Variants in ERBB4 observed in about 807,000 individuals in gnomAD.
The protein encoded by ERBB4 is receptor tyrosine-protein kinase erbB-4.
ERBB4 carries 42 observed loss-of-function variants against 158.0 expected under a neutral mutation model. The observed-to-expected ratio is 0.27, with a 90% confidence interval of 0.21 to 0.34. ERBB4 has a LOEUF of 0.34. ERBB4 is among the 10% of genes least tolerant of loss of function. The probability of loss-of-function intolerance (pLI) is 1.00; values close to 1 mark genes in which losing one functional copy is unlikely to be tolerated. For missense variants in ERBB4, 1,333 were observed against 1,624.1 expected, an observed-to-expected ratio of 0.82 and a Z score of 3.08; for synonymous variants, 583 against 558.7, an observed-to-expected ratio of 1.04 and a Z score of -0.61.
intron 12 of ERBB4, among the ~76,000 whole-genome samples, chr2:211,679,450 C>T (rs1039636338): frequency 6.6e-6 from 1 of 152,108 alleles, no homozygotes; most frequent in Non-Finnish European, 1.5e-5. Flanking sequence ...ATTGGGAGGA[C>T]AGGTGATATA....
At chr2:211,660,197 T>C (rs2071367441) in intron 15 of ERBB4, among the ~76,000 whole-genome samples, 1 of 152,166 alleles carries the variant, frequency 6.6e-6, no homozygotes, top group Non-Finnish European at 1.5e-5. Flanking sequence ...CTGTAGGGCT[T>C]TAAAGAAGTA....
At chr2:211,585,481 A>T (rs1463330371) in intron 19 of ERBB4, among the ~76,000 whole-genome samples, 1 of 152,134 alleles carries the variant, frequency 6.6e-6, no homozygotes, top group Non-Finnish European at 1.5e-5. Flanking sequence ...ATTCATTGAT[A>T]ATTGATAGCA....
intron 1 of ERBB4, among the ~76,000 whole-genome samples, chr2:212,203,664 A>G (rs1189075953): frequency 6.6e-6 from 1 of 152,242 alleles, no homozygotes. Flanking sequence ...ACAAACTAGT[A>G]ATTAAAATCC....
chr2:211,813,860 C>G (rs894278534), intron 3 of ERBB4, among the ~76,000 whole-genome samples: 1 of 151,926 alleles, frequency 6.6e-6, no homozygotes, highest in African/African-American at 2.4e-5. Flanking sequence ...AATCAAGAAC[C>G]TTAAATTAGT....
chr2:212,059,155 T>A lies in ERBB4; in HGVS notation c.234+65597A>T, dbSNP rs534029042. Among the ~76,000 whole-genome samples the A allele has an allele frequency of 4.6e-5, 7 of 151,972 alleles. No homozygotes were observed. The East Asian group carries it at 9.7e-4, about 21-fold the overall frequency. ...ATTCCTATACACCAATAACAGACAA[T>A]CAGAGAGCCAAATCATGAGTGAACT... On this transcript the variant is annotated intron_variant, in intron 2 of 27. Transcript: ENST00000342788.
At chr2:212,135,767 T>A (rs1559566504) in intron 1 of ERBB4, among the ~76,000 whole-genome samples, 1 of 152,208 alleles carries the variant, frequency 6.6e-6, no homozygotes, top group Non-Finnish European at 1.5e-5. Flanking sequence ...AGTATTTCAT[T>A]TCCTGTGAAA....
intron 1 of ERBB4, among the ~76,000 whole-genome samples, chr2:212,160,429 T>C (rs2081168479): frequency 6.6e-6 from 1 of 151,996 alleles, no homozygotes; most frequent in Non-Finnish European, 1.5e-5. Flanking sequence ...GTGAACTCTA[T>C]CCACAAGTCC....
intron 3 of ERBB4, among the ~76,000 whole-genome samples, chr2:211,845,072 CAA>C (rs933816556): frequency 2.6e-5 from 4 of 152,068 alleles, no homozygotes; most frequent in Non-Finnish European, 4.4e-5. Context: ...GTATTGTCCT[CAA>C]AGAGAGTGGG....
At chr2:211,385,457 C>A (rs1370754686) in intron 27 of ERBB4, among the ~76,000 whole-genome samples, 1 of 151,912 alleles carries the variant, frequency 6.6e-6, no homozygotes, top group Admixed American at 6.6e-5. Flanking sequence ...TTATTATTGC[C>A]CCTGCAGGAG....
chr2:212,328,743 T>C (rs2087986480), intron 1 of ERBB4, among the ~76,000 whole-genome samples: 1 of 152,040 alleles, frequency 6.6e-6, no homozygotes, highest in East Asian at 1.9e-4. Context: ...GAGACAAATC[T>C]AAATTTTTAG....
At chr2:211,662,194 G>C (rs1299437420) in intron 15 of ERBB4, among the ~76,000 whole-genome samples, 1 of 149,388 alleles carries the variant, frequency 6.7e-6, no homozygotes, top group Non-Finnish European at 1.5e-5. Context: ...TTCATTCCAA[G>C]TCTAAAATGC....
At chr2:211,548,994 C>A (rs963582130) in intron 20 of ERBB4, among the ~76,000 whole-genome samples, 1 of 151,972 alleles carries the variant, frequency 6.6e-6, no homozygotes, top group African/African-American at 2.4e-5. Context: ...AGAAAATTTT[C>A]TTTTGGGTTC....
chr2:212,482,364 G>T (rs1167569619), intron 1 of ERBB4, among the ~76,000 whole-genome samples: 1 of 152,166 alleles, frequency 6.6e-6, no homozygotes, highest in Non-Finnish European at 1.5e-5. Flanking sequence ...TTTGAAATAA[G>T]AGGAAATGTG....
At chr2:212,222,525 C>A (rs561528908) in intron 1 of ERBB4, among the ~76,000 whole-genome samples, 5 of 151,548 alleles carry the variant, frequency 3.3e-5, no homozygotes, top group African/African-American at 4.8e-5. Context: ...CAATTCTTAA[C>A]CTACTTAACT....
intron 1 of ERBB4, among the ~76,000 whole-genome samples, chr2:212,204,305 T>G (rs893321037): frequency 2.6e-5 from 4 of 152,230 alleles, no homozygotes; most frequent in Non-Finnish European, 5.9e-5. Flanking sequence ...TTAAAAAACT[T>G]TACAAAATAT....
intron 3 of ERBB4, among the ~76,000 whole-genome samples, chr2:211,858,771 G>T (rs2077936784): frequency 6.6e-6 from 1 of 152,036 alleles, no homozygotes; most frequent in Admixed American, 6.6e-5. Context: ...AAAAGGCAAT[G>T]TATCTTTTAA....
At chr2:211,731,054 T>C (rs551971800) in intron 5 of ERBB4, among the ~76,000 whole-genome samples, 11 of 152,216 alleles carry the variant, frequency 7.2e-5, no homozygotes, top group African/African-American at 2.2e-4. Context: ...CAAGTAGATA[T>C]AGGAAAATTT....
intron 1 of ERBB4, among the ~76,000 whole-genome samples, chr2:212,277,470 C>T (rs1051760388): frequency 7.3e-5 from 11 of 151,704 alleles, no homozygotes; most frequent in Non-Finnish European, 1.2e-4. Flanking sequence ...GGAGCACTGT[C>T]TCATTTTATT....
chr2:211,393,931 A>G (rs772717885), intron 25 of ERBB4, among the ~76,000 whole-genome samples: 1 of 152,106 alleles, frequency 6.6e-6, no homozygotes, highest in Non-Finnish European at 1.5e-5. Context: ...TTTTCATGAC[A>G]GCACTCTTGC....
Sources: gnomAD v4.1 joint callset for allele counts (sites outside exome capture counted in the v4.1 genomes callset) on GRCh38, gnomAD v4.1.1 for gene constraint, MANE v1.5 for transcripts, NCBI Gene and HGNC (gene_info 2026-07-23, HGNC 2026-07-21) for gene names.